Variants in ACKR2 observed in about 807,000 individuals in gnomAD.
ACKR2 encodes C-C chemokine receptor D6.
For synonymous variants in ACKR2, 207 were observed against 192.2 expected (o/e 1.08, Z -0.64); for missense variants, 457 against 477.3 (o/e 0.96, Z 0.40).
chr3:42,862,744 A>G (rs546401423), intron 2 of ACKR2, among the ~76,000 whole-genome samples: 1 of 152,366 alleles, frequency 6.6e-6, no homozygotes, highest in East Asian at 1.9e-4. Flanking sequence ...AACCTGACAA[A>G]AACAAGCAAT....
At chr3:42,837,660 C>T (rs2125611944) in intron 2 of ACKR2, among the ~76,000 whole-genome samples, 1 of 152,262 alleles carries the variant, frequency 6.6e-6, no homozygotes, top group East Asian at 1.9e-4. Context: ...TTAGTCCACT[C>T]ATACTCTCAT....
intron 2 of ACKR2, among the ~76,000 whole-genome samples, chr3:42,853,472 C>T (rs1264617508): frequency 1.3e-5 from 2 of 152,238 alleles, no homozygotes; most frequent in East Asian, 3.9e-4. Context: ...GCTATGTTGC[C>T]CATGCTGGTC....
intron 2 of ACKR2, among the ~76,000 whole-genome samples, chr3:42,828,092 A>ATATTT (rs1193533555): frequency 1.1e-3 from 129 of 121,888 alleles, no homozygotes; most frequent in Middle Eastern, 4.5e-3. Context: ...ATATATATAT[A>ATATTT]TTTTTTTTTT....
At position 42,852,945 on chromosome 3, in the gene ACKR2, C is replaced by G. The variant is rs1318733321; in HGVS notation, c.-37-11521C>G. ...AGCTGATTCCTCTGGCCAGCTGTGC[C>G]TGGCTTACAGTGTGGCCCTGGATTT... is the stretch of plus-strand genomic sequence containing the variant. On this transcript the variant is annotated intron_variant, in intron 2 of 2. Transcript: ENST00000422265. This position sits in a 1 kb window ranked among gnomAD's most constrained non-coding sequence, Gnocchi z 4.3. 6.6e-6 allele frequency among the ~76,000 whole-genome samples: 1 copy of G among 152,152 alleles called. No individual in the cohort carries two copies. Among genetic ancestry groups the G allele is most frequent in the African/African-American group, 2.4e-5 (1 of 41,432 alleles).
At chr3:42,835,136 C>T (rs1008859277) in intron 2 of ACKR2, 5 of 152,178 alleles carry the variant, frequency 3.3e-5, no homozygotes, top group African/African-American at 1.2e-4. Context: ...AACTCGGTCT[C>T]CCAAAGTGCT....
chr3:42,819,084 C>T (rs1365816132), intron 1 of ACKR2, among the ~76,000 whole-genome samples: 1 of 152,066 alleles, frequency 6.6e-6, no homozygotes, highest in Non-Finnish European at 1.5e-5. Context: ...GTTCTGAAGA[C>T]TTTTGAATTT....
chr3:42,845,506 T>C (rs1192452445), intron 2 of ACKR2, among the ~76,000 whole-genome samples: 1 of 152,072 alleles, frequency 6.6e-6, no homozygotes, highest in African/African-American at 2.4e-5. Flanking sequence ...GAACTACAGG[T>C]GCATGGGACC....
intron 2 of ACKR2, among the ~76,000 whole-genome samples, chr3:42,830,318 C>T (rs1385440471): frequency 6.6e-6 from 1 of 152,156 alleles, no homozygotes; most frequent in African/African-American, 2.4e-5. Context: ...GTTTCACCCT[C>T]TTGGTCAGGT....
In ACKR2 at chr3:42,865,051, A is replaced by G. The variant is rs2088421641; in HGVS notation, c.549A>G (p.Val183=). ...LAVSIPDMVF[V]QTHENPKGVW... ...TCTCCATCCCTGATATGGTCTTTGTACAGACACATGAAAATCCCAAGGGTG... is the reference window on the plus strand; with the variant it reads ...TCTCCATCCCTGATATGGTCTTTGTGCAGACACATGAAAATCCCAAGGGTG... Residue 183 remains valine, a synonymous_variant, in exon 3 of 3, where the codon GTA becomes GTG. Transcript: ENST00000422265. The G allele has an allele frequency of 1.2e-6, 2 of 1,614,114 alleles. No individual in the cohort carries two copies. Among genetic ancestry groups the G allele is most frequent in the Non-Finnish European group, 1.7e-6 (2 of 1,180,020 alleles).
At chr3:42,831,998 A>G (rs1700936290) in intron 2 of ACKR2, among the ~76,000 whole-genome samples, 2 of 152,214 alleles carry the variant, frequency 1.3e-5, no homozygotes, top group Non-Finnish European at 2.9e-5. Flanking sequence ...ATGTCTATGA[A>G]TTTTGTACTT....
At chr3:42,855,735 G>C (rs2088309689) in intron 2 of ACKR2, among the ~76,000 whole-genome samples, 1 of 152,198 alleles carries the variant, frequency 6.6e-6, no homozygotes, top group Non-Finnish European at 1.5e-5. Context: ...AGGATGACCA[G>C]AAAAGATTCC....
chr3:42,845,863 A>T (rs1476496003), intron 2 of ACKR2, among the ~76,000 whole-genome samples: 1 of 151,524 alleles, frequency 6.6e-6, no homozygotes, highest in Non-Finnish European at 1.5e-5. Context: ...AAAAAAAAAA[A>T]AAGAAAAAAG....
chr3:42,849,363 A>C (rs1298807076), intron 2 of ACKR2, among the ~76,000 whole-genome samples: 2 of 152,034 alleles, frequency 1.3e-5, no homozygotes, highest in African/African-American at 4.8e-5. Flanking sequence ...TTAGCCGGGC[A>C]TGGTGGTGGG....
At chr3:42,853,231 G>T (rs1701182353) in intron 2 of ACKR2, among the ~76,000 whole-genome samples, 1 of 152,076 alleles carries the variant, frequency 6.6e-6, no homozygotes, top group Non-Finnish European at 1.5e-5. Context: ...GTGATTTGGG[G>T]CTCCAGCTCT....
chr3:42,810,668 T>C (rs958065135), intron 1 of ACKR2, among the ~76,000 whole-genome samples: 2 of 152,028 alleles, frequency 1.3e-5, no homozygotes, highest in African/African-American at 4.8e-5. Flanking sequence ...CCACTACCAA[T>C]AAAAAAAGAA....
intron 1 of ACKR2, among the ~76,000 whole-genome samples, chr3:42,815,616 C>CA (rs1362727916): frequency 4.6e-5 from 7 of 152,122 alleles, no homozygotes; most frequent in Non-Finnish European, 7.4e-5. Context: ...TTTAAGTAAA[C>CA]AAAAAATTTT....
rs1228294347 is a variant in ACKR2, at chr3:42,825,861, T to TG, written c.-38+6150_-38+6151insG. 5.6e-3 allele frequency among the ~76,000 whole-genome samples: 790 copies of TG among 141,560 alleles called. 14 individuals are homozygous for TG. Among genetic ancestry groups the TG allele is most frequent in the African/African-American group, 0.019 (735 of 38,886 alleles). The allele number at this position is 141,560 out of a possible 152,430, so 92.9% of individuals were successfully genotyped here. A position where few individuals can be genotyped will look rare whatever the true frequency, so the allele number is the denominator to read the frequency against. On this transcript the variant is annotated intron_variant, in intron 2 of 2. Transcript: ENST00000422265. ...TGATGTTAGCTCTGGGTTTTTTTTT[T>TG]TTTGTTTTTTTTTTTTGTAGATACC...
chr3:42,820,690 G>A (rs1241848849), intron 2 of ACKR2, among the ~76,000 whole-genome samples: 2 of 135,862 alleles, frequency 1.5e-5, no homozygotes, highest in East Asian at 2.3e-4. Context: ...AGGGCCAGAA[G>A]AGATTTTCAA....
At chr3:42,856,523 C>A in intron 2 of ACKR2, 1 of 642,668 alleles carries the variant, frequency 1.6e-6, no homozygotes, top group Admixed American at 2.5e-5. Flanking sequence ...AAAATGTTTG[C>A]AATACATATG....
Sources: allele counts gnomAD v4.1 joint callset (sites outside exome capture counted in the v4.1 genomes callset), GRCh38; gene constraint gnomAD v4.1.1; non-coding constraint Gnocchi (gnomAD v3.1); transcripts MANE v1.5; gene names NCBI Gene and HGNC (gene_info 2026-07-23, HGNC 2026-07-21).